The following RBM47 variants were observed in gnomAD, a reference collection of about 807,000 sequenced individuals.
The protein encoded by RBM47 is RNA-binding protein 47.
RBM47 carries 21 observed loss-of-function variants against 47.1 expected under a neutral mutation model. The observed-to-expected ratio is 0.45, with a 90% CI of 0.32 to 0.64. The LOEUF (loss-of-function observed/expected upper bound fraction) is 0.64, where lower values mean the gene tolerates loss of function less well. Among genes scored for constraint, RBM47 ranks in the 30% least tolerant of loss-of-function variants. The pLI, the probability that RBM47 is intolerant of heterozygous loss-of-function variation, is 0.05. For missense variants in RBM47, 708 were observed against 870.9 expected, an observed-to-expected ratio of 0.81 and a Z score of 2.35; for synonymous variants, 375 against 361.7, an observed-to-expected ratio of 1.04 and a Z score of -0.42.
chr4:40,566,740 T>C (rs970464675), intron 1 of RBM47, among the ~76,000 whole-genome samples: 4 of 152,036 alleles, frequency 2.6e-5, no homozygotes, highest in African/African-American at 9.7e-5. Flanking sequence ...GTAGCTCAGT[T>C]TCTTCATTTG....
intron 2 of RBM47, among the ~76,000 whole-genome samples, chr4:40,472,705 G>A (rs1450746711): frequency 6.6e-6 from 1 of 151,816 alleles, no homozygotes; most frequent in African/African-American, 2.4e-5. Context: ...TCTAGTAAGT[G>A]TAATATATAT....
chr4:40,626,681 C>T (rs565395669), intron 1 of RBM47, among the ~76,000 whole-genome samples: 10 of 152,254 alleles, frequency 6.6e-5, no homozygotes, highest in East Asian at 1.9e-4. Context: ...TTCAAGGGGA[C>T]GAGATCGCCC....
chr4:40,534,273 T>G (rs1308645747), intron 2 of RBM47, among the ~76,000 whole-genome samples: 1 of 151,858 alleles, frequency 6.6e-6, no homozygotes, highest in East Asian at 1.9e-4. Context: ...GCCTGGTAAT[T>G]TTTTAAAATT....
intron 5 of RBM47, among the ~76,000 whole-genome samples, chr4:40,435,078 A>G (rs1257595535): frequency 1.3e-5 from 2 of 152,212 alleles, no homozygotes; most frequent in African/African-American, 4.8e-5. Context: ...CCGGCCTCAC[A>G]TTAGATGGTC....
chr4:40,536,105 T>C (rs547301318), intron 2 of RBM47, among the ~76,000 whole-genome samples: 10 of 152,380 alleles, frequency 6.6e-5, no homozygotes, highest in East Asian at 1.9e-4. Flanking sequence ...TTTGCAGACA[T>C]AGAAATTTTG....
At chr4:40,511,697 T>C (rs1724951318) in intron 2 of RBM47, among the ~76,000 whole-genome samples, 1 of 152,188 alleles carries the variant, frequency 6.6e-6, no homozygotes, top group South Asian at 2.1e-4. Context: ...GGCTCAAGCC[T>C]GTAATCTCAG....
At chr4:40,616,367 A>AG (rs1736730851) in intron 1 of RBM47, among the ~76,000 whole-genome samples, 2 of 122,070 alleles carry the variant, frequency 1.6e-5, no homozygotes, top group South Asian at 5.4e-4. Flanking sequence ...AAAAAAAAAA[A>AG]GAAAAAAAAA....
chr4:40,627,085 T>C (rs1215515158), intron 1 of RBM47, among the ~76,000 whole-genome samples: 1 of 152,022 alleles, frequency 6.6e-6, no homozygotes, highest in Non-Finnish European at 1.5e-5. Context: ...AACCAGAAAA[T>C]CAGCATCATC....
chr4:40,551,660 T>C (rs1387413559), intron 1 of RBM47, among the ~76,000 whole-genome samples: 1 of 151,050 alleles, frequency 6.6e-6, no homozygotes, highest in Non-Finnish European at 1.5e-5. Flanking sequence ...TTTTTTTTTT[T>C]TTTTTTGAGA....
At chr4:40,532,602 T>G (rs957968800) in intron 2 of RBM47, among the ~76,000 whole-genome samples, 1 of 151,912 alleles carries the variant, frequency 6.6e-6, no homozygotes, top group Non-Finnish European at 1.5e-5. Context: ...TGAGCCACCA[T>G]GCCTGGCCTT....
chr4:40,472,739 C>T (rs371141964), intron 2 of RBM47, among the ~76,000 whole-genome samples: 1 of 151,772 alleles, frequency 6.6e-6, no homozygotes, highest in South Asian at 2.1e-4. Context: ...GAATTTAGCC[C>T]ACTGGTAAGG....
At chr4:40,521,490 C>T (rs1364813138) in intron 2 of RBM47, among the ~76,000 whole-genome samples, 3 of 152,120 alleles carry the variant, frequency 2.0e-5, no homozygotes, top group African/African-American at 7.2e-5. Flanking sequence ...CATGAGCCAC[C>T]ACATCCAGCC....
At chr4:40,573,526 T>TGAG (rs996193678) in intron 1 of RBM47, among the ~76,000 whole-genome samples, 22 of 152,044 alleles carry the variant, frequency 1.4e-4, no homozygotes, top group Admixed American at 1.4e-3. Flanking sequence ...GTGGATCACT[T>TGAG]GAGGTCAAGA....
intron 2 of RBM47, among the ~76,000 whole-genome samples, chr4:40,537,838 CTT>C (rs75524976): frequency 1.3e-4 from 18 of 143,854 alleles, no homozygotes; most frequent in Non-Finnish European, 7.7e-5. Context: ...TTTTTTCCTT[CTT>C]TTTTTTTTTT....
intron 1 of RBM47, among the ~76,000 whole-genome samples, chr4:40,571,713 G>A (rs983006480): frequency 6.6e-6 from 1 of 151,930 alleles, no homozygotes; most frequent in Non-Finnish European, 1.5e-5. Flanking sequence ...CCAAATCTGA[G>A]AAATCACCAC....
At chr4:40,493,910 G>A (rs906643506) in intron 2 of RBM47, among the ~76,000 whole-genome samples, 1 of 152,168 alleles carries the variant, frequency 6.6e-6, no homozygotes, top group African/African-American at 2.4e-5. Flanking sequence ...CTGCACTCCA[G>A]CCTGGGCAAC....
chr4:40,487,918 C>T (rs1721326882), intron 2 of RBM47, among the ~76,000 whole-genome samples: 1 of 143,744 alleles, frequency 7.0e-6, no homozygotes. Flanking sequence ...AATTTCTCTG[C>T]ACCTACAGGG....
chr4:40,541,248 C>A (rs397544), intron 2 of RBM47, among the ~76,000 whole-genome samples: 63,989 of 147,464 alleles, frequency 0.43, 16,467 homozygotes, highest in African/African-American at 0.73. Context: ...CCTAGGTGAC[C>A]GAGCAAGATT....
rs142373140 is a variant in RBM47 at position 40,436,206 on chromosome 4, A to ACAAAC, written c.1330+234_1330+235insGTTTG. Reference sequence around the variant, plus strand: ...AAAAAACAAACAAACAAACAAACAAAAAAAAACCTTACTCAGGCAAGTTTG... The same window carrying ACAAAC: ...AAAAAACAAACAAACAAACAAACAAACAAACAAAAAACCTTACTCAGGCAAGTTTG... On this transcript the variant is annotated intron_variant, in intron 5 of 6. Transcript: ENST00000295971. Among the ~76,000 whole-genome samples the ACAAAC allele has an allele frequency of 3.8e-4, 55 of 143,498 alleles. 1 individual carries two copies. The highest frequency in any genetic ancestry group is 1.1e-3 in the South Asian group (5 of 4,714). The allele number at this position is 143,498 out of a possible 152,430, so 94.1% of individuals were successfully genotyped here.
Sources: allele counts gnomAD v4.1 joint callset (sites outside exome capture counted in the v4.1 genomes callset), GRCh38; gene constraint gnomAD v4.1.1; transcripts MANE v1.5; gene names NCBI Gene and HGNC (gene_info 2026-07-23, HGNC 2026-07-21).